RBM25: variants seen among roughly 807,000 people sequenced by gnomAD.
RBM25 encodes the protein RNA-binding protein 25.
Under a neutral mutation model 120.7 loss-of-function variants are expected in RBM25, and 19 were observed. The ratio of observed to expected loss-of-function variants is 0.16; its 90% confidence interval spans 0.11 to 0.23. The LOEUF (loss-of-function observed/expected upper bound fraction) is 0.23. Among genes scored for constraint, RBM25 ranks in the 10% least tolerant of loss-of-function variants. RBM25 has a pLI of 1.00. For synonymous variants in RBM25, 390 were observed against 326.7 expected, an observed-to-expected ratio of 1.19 and a Z score of -2.09; for missense variants, 605 against 1,041.5, an observed-to-expected ratio of 0.58 and a Z score of 5.77.
In RBM25 at chr14:73,099,583, C is replaced by G; in HGVS notation, c.784-84C>G. ...TGTTTACTTATTTACTCTTTGAGAC[C>G]TATACAGAATATCTAACCTTTAACT... is the stretch of plus-strand genomic sequence containing the variant. On this transcript the variant is annotated intron_variant, in intron 8 of 18. Coordinates refer to ENST00000261973, the MANE Select transcript of RBM25 (RefSeq NM_021239.3). 2.5e-6 allele frequency: 4 copies of G among 1,586,236 alleles called. No homozygotes were observed. In the South Asian group the frequency reaches 4.7e-5, roughly 19 times the overall value.
chr14:73,080,373 G>A (rs1279956099), intron 4 of RBM25, among the ~76,000 whole-genome samples: 2 of 151,648 alleles, frequency 1.3e-5, no homozygotes, highest in African/African-American at 2.4e-5. Context: ...ACAGGCGCCC[G>A]CCACCATGCC....
intron 4 of RBM25, 80 bp downstream of exon 4, chr14:73,077,616 G>T (rs747105470): frequency 5.4e-6 from 7 of 1,290,884 alleles, no homozygotes; most frequent in Non-Finnish European, 7.3e-6. Context: ...AAGACTTTCA[G>T]TGATTGCTTT....
intron 6 of RBM25, among the ~76,000 whole-genome samples, chr14:73,089,563 C>T (rs976428010): frequency 6.6e-6 from 1 of 152,140 alleles, no homozygotes; most frequent in African/African-American, 2.4e-5. Flanking sequence ...TCATGTTGGC[C>T]AGGCTGGTCT....
Position 73,094,841 on chromosome 14 carries a change from G to C in RBM25, c.544-2074G>C, listed in dbSNP as rs1035974526. Reference sequence around the variant, plus strand: ...TGTGTGTGTGTGTGTGTGTGTGTGTGTCTGTGTGTGTGTGTGTGTTTTTGA... The same window carrying C: ...TGTGTGTGTGTGTGTGTGTGTGTGTCTCTGTGTGTGTGTGTGTGTTTTTGA... On this transcript the variant is annotated intron_variant, in intron 6 of 18. Coordinates refer to ENST00000261973, the MANE Select transcript of RBM25 (RefSeq NM_021239.3). Among the ~76,000 whole-genome samples, 389 of 115,514 alleles carry C rather than the reference G, an allele frequency of 3.4e-3. 3 individuals carry two copies. Among genetic ancestry groups the C allele is most frequent in the African/African-American group, 0.01 (343 of 33,684 alleles). The allele number at this position is 115,514 out of a possible 152,430, so 75.8% of individuals were successfully genotyped here. A position where few individuals can be genotyped will look rare whatever the true frequency, so the allele number is the denominator to read the frequency against.
intron 4 of RBM25, among the ~76,000 whole-genome samples, chr14:73,079,266 T>C (rs1267785716): frequency 6.7e-6 from 1 of 150,326 alleles, no homozygotes; most frequent in African/African-American, 2.4e-5. Flanking sequence ...CTACTAAAAA[T>C]ACAAAAATTA....
chr14:73,091,966 T>C (rs1002501564), intron 6 of RBM25, among the ~76,000 whole-genome samples: 1 of 152,164 alleles, frequency 6.6e-6, no homozygotes, highest in Admixed American at 6.6e-5. Context: ...ATCAGTTATA[T>C]GATTTATTGT....
intron 17 of RBM25, among the ~76,000 whole-genome samples, chr14:73,113,129 C>G (rs1049775840): frequency 6.6e-6 from 1 of 152,100 alleles, no homozygotes; most frequent in African/African-American, 2.4e-5. Context: ...CTCTCCCTCC[C>G]CTAGCTCCCC....
intron 1 of RBM25, chr14:73,068,632 G>A (rs927311181): frequency 2.3e-5 from 10 of 427,520 alleles, no homozygotes; most frequent in Admixed American, 1.8e-4. Context: ...CACATCCCAA[G>A]CTCTCTGTCC....
chr14:73,103,216 A>C lies in RBM25; in HGVS notation c.892A>C (p.Lys298Gln). ...GAAACTGGAAGAAGAGAAAGGCAAA[A>C]AGGAAAAAGAAAGACAGGAAATTGA... Reference protein sequence around the residue: ...HKKLEEEKGKKEKERQEIEKE... With the variant: ...HKKLEEEKGKQEKERQEIEKE... The change falls in exon 10 of 19, where the codon AAG becomes CAG. Residue 298 changes from lysine to glutamine, a missense_variant. By Grantham distance (53) the Lys-to-Gln change is moderately conservative (BLOSUM62 1). Coordinates refer to ENST00000261973, the MANE Select transcript of RBM25 (RefSeq NM_021239.3). 6.2e-7 allele frequency: 1 copy of C among 1,610,094 alleles called. No individual in the cohort carries two copies. Among genetic ancestry groups the C allele is most frequent in the Non-Finnish European group, 8.5e-7 (1 of 1,178,974 alleles).
At chr14:73,103,982 ACACACACACACACTCT>A (rs1896122907) in intron 10 of RBM25, among the ~76,000 whole-genome samples, 16 of 124,872 alleles carry the variant, frequency 1.3e-4, no homozygotes, top group South Asian at 8.0e-4. Context: ...ACACACACAC[ACACACACACACACTCT>A]CTCTCTCTCT....
chr14:73,109,995 G>A (rs143439356), intron 14 of RBM25, among the ~76,000 whole-genome samples: 2,612 of 151,330 alleles, frequency 0.017, 55 homozygotes, highest in East Asian at 0.048. Flanking sequence ...AGGGATTCTC[G>A]TGCCTCAGCC....
chr14:73,087,961 G>T (rs187279531), intron 5 of RBM25, 40 bp from the exon 6 acceptor site: 1 of 1,576,752 alleles, frequency 6.3e-7, no homozygotes, highest in Non-Finnish European at 8.6e-7. Flanking sequence ...TCTTTTGTAA[G>T]TGAATTGGTA....
intron 1 of RBM25, among the ~76,000 whole-genome samples, chr14:73,065,844 C>T (rs1594894435): frequency 2.0e-5 from 3 of 151,826 alleles, no homozygotes; most frequent in Non-Finnish European, 4.4e-5. Context: ...TGTGAGCCAC[C>T]GCCCCTGACC....
intron 3 of RBM25, 107 bp downstream of exon 3, chr14:73,076,475 A>G: frequency 4.9e-6 from 5 of 1,023,566 alleles, no homozygotes; most frequent in Non-Finnish European, 5.9e-6. Context: ...AAGAATAACA[A>G]GGACAGAATG....
intron 5 of RBM25, among the ~76,000 whole-genome samples, chr14:73,084,226 T>G (rs1895632215): frequency 1.3e-5 from 2 of 152,166 alleles, no homozygotes; most frequent in Non-Finnish European, 2.9e-5. Context: ...AATAGTTGAT[T>G]TGATTCAGGA....
In RBM25 at chr14:73,064,195, A is replaced by G. The variant is rs190622963; in HGVS notation, c.-16+5490A>G. On this transcript the variant is annotated intron_variant, in intron 1 of 18. Transcript: ENST00000261973. ...TACATACCATCTTTCAATGTATTAT[A>G]ATTTATTTTGTTTATCATCTATAGG... Among the ~76,000 whole-genome samples, 8 of 151,516 alleles carry G rather than the reference A, an allele frequency of 5.3e-5. No homozygotes were observed. In the East Asian group the frequency reaches 1.5e-3, roughly 29 times the overall value.
At chr14:73,083,027 C>T in intron 4 of RBM25, among the ~76,000 whole-genome samples, 1 of 152,132 alleles carries the variant, frequency 6.6e-6, no homozygotes, top group Non-Finnish European at 1.5e-5. Context: ...TTGCAGTGAC[C>T]CAAGATCACG....
chr14:73,087,553 GC>G (rs1411870238), intron 5 of RBM25, among the ~76,000 whole-genome samples: 1 of 152,064 alleles, frequency 6.6e-6, no homozygotes. Context: ...CCGCCACCGC[GC>G]CCGGCTAATT....
chr14:73,117,205 C>CTTTTATTTTTTTTTTTTTTTTTT (rs1896448964), intron 18 of RBM25, among the ~76,000 whole-genome samples: 2 of 36,562 alleles, frequency 5.5e-5, no homozygotes, highest in African/African-American at 2.0e-4. Context: ...TTTCTTTCTT[C>CTTTTATTTTTTTTTTTTTTTTTT]TTTTCTTTTT....
Sources: gnomAD v4.1 joint callset for allele counts (sites outside exome capture counted in the v4.1 genomes callset) on GRCh38, gnomAD v4.1.1 for gene constraint, MANE v1.5 for transcripts, NCBI Gene and HGNC (gene_info 2026-07-23, HGNC 2026-07-21) for gene names.